Variants in DENND5A observed in about 807,000 individuals in gnomAD.
DENND5A encodes DENN domain containing 5A, also known as DENN domain-containing protein 5A.
Under a neutral mutation model 140.3 loss-of-function variants are expected in DENND5A, and 64 were observed. The ratio of observed to expected loss-of-function variants is 0.46; its 90% CI spans 0.37 to 0.56. The LOEUF (loss-of-function observed/expected upper bound fraction) is 0.56, where lower values mean the gene tolerates loss of function less well. Among genes scored for constraint, DENND5A ranks in the 20% least tolerant of loss-of-function variants. The pLI, the probability that DENND5A is intolerant of heterozygous loss-of-function variation, is 0.00. For missense variants in DENND5A, 1,292 were observed against 1,593.8 expected, an observed-to-expected ratio of 0.81 and a Z score of 3.22; for synonymous variants, 605 against 607.7, an observed-to-expected ratio of 1.00 and a Z score of 0.07.
chr11:9,228,936 T>C (rs1850647251), intron 1 of DENND5A, among the ~76,000 whole-genome samples: 1 of 152,200 alleles, frequency 6.6e-6, no homozygotes, highest in Admixed American at 6.5e-5. Context: ...CAGAGTTCTA[T>C]GAGCCATTCT....
chr11:9,146,877 G>A (rs771857755), intron 16 of DENND5A, 153 bp downstream of exon 16: 10 of 792,904 alleles, frequency 1.3e-5, no homozygotes, highest in Middle Eastern at 3.9e-4. Context: ...CCTCCAAGGA[G>A]GGCAAGTGCA....
intron 3 of DENND5A, 49 bp from the exon 4 acceptor site, chr11:9,204,366 C>T: frequency 1.3e-6 from 2 of 1,545,918 alleles, no homozygotes; most frequent in Non-Finnish European, 1.8e-6. Context: ...CACTGGCGAT[C>T]CTCTTTCAGA....
At chr11:9,218,601 G>T (rs958264137) in intron 1 of DENND5A, among the ~76,000 whole-genome samples, 1 of 152,118 alleles carries the variant, frequency 6.6e-6, no homozygotes, top group Non-Finnish European at 1.5e-5. Flanking sequence ...GAGTGTGCCT[G>T]TAGTAGGCTG....
intron 17 of DENND5A, 85 bp from the exon 18 acceptor site, chr11:9,145,198 G>A (rs541920458): frequency 1.0e-6 from 1 of 973,732 alleles, no homozygotes; most frequent in Non-Finnish European, 1.7e-6. Context: ...CTGACTGGCT[G>A]CCTGCAACCT....
At chr11:9,167,091 G>T (rs1397041620) in intron 10 of DENND5A, among the ~76,000 whole-genome samples, 6 of 152,036 alleles carry the variant, frequency 3.9e-5, no homozygotes, top group Non-Finnish European at 7.4e-5. Context: ...ATAATGTGCT[G>T]GTGATTCTTC....
chr11:9,196,563 C>T (rs1849336067), intron 4 of DENND5A, among the ~76,000 whole-genome samples: 1 of 152,074 alleles, frequency 6.6e-6, no homozygotes, highest in East Asian at 1.9e-4. Flanking sequence ...TGAATTTCTA[C>T]CCTTCATTTT....
chr11:9,221,570 T>A (rs1850312985), intron 1 of DENND5A, among the ~76,000 whole-genome samples: 1 of 152,080 alleles, frequency 6.6e-6, no homozygotes, highest in Non-Finnish European at 1.5e-5. Context: ...TTCACCATGT[T>A]AGCCAGGCTG....
At position 9,150,128 on chromosome 11, in the gene DENND5A, T is replaced by C; in HGVS notation, c.2688A>G (p.Leu896=). Residue 896 remains leucine (L), a synonymous_variant, in exon 15 of 23, where the codon TTA becomes TTG. Coordinates refer to ENST00000328194, the MANE Select transcript of DENND5A (RefSeq NM_015213.4). The stretch of plus-strand genomic sequence containing the variant: ...GGAGCTGCTTCAGGTGTCTGGAAAG[T>C]AACTTTTTTTCCATGGACAGTCGCA... The part of the protein sequence containing the change: ...AWVRLSMEKK[L]LSRHLKQLLS... 1.2e-6 allele frequency: 2 copies of C among 1,613,966 alleles called. No individual in the cohort carries two copies. Among genetic ancestry groups the C allele is most frequent in the South Asian group, 1.1e-5 (1 of 91,070 alleles).
intron 1 of DENND5A, among the ~76,000 whole-genome samples, chr11:9,247,634 G>T (rs1160705792): frequency 6.6e-6 from 1 of 152,044 alleles, no homozygotes; most frequent in African/African-American, 2.4e-5. Flanking sequence ...ATGGCCCAGG[G>T]AACAGTCTCA....
At chr11:9,259,087 C>T (rs1345765869) in intron 1 of DENND5A, among the ~76,000 whole-genome samples, 4 of 152,064 alleles carry the variant, frequency 2.6e-5, no homozygotes, top group African/African-American at 9.7e-5. Flanking sequence ...ATGGTGAAAC[C>T]CCATCTCTAC....
At chr11:9,235,515 G>A (rs1464645704) in intron 1 of DENND5A, among the ~76,000 whole-genome samples, 1 of 151,644 alleles carries the variant, frequency 6.6e-6, no homozygotes, top group Non-Finnish European at 1.5e-5. Flanking sequence ...AAAATTAGCT[G>A]GGCACGATGG....
intron 1 of DENND5A, among the ~76,000 whole-genome samples, chr11:9,261,880 T>C (rs972253673): frequency 1.2e-4 from 18 of 150,558 alleles, no homozygotes; most frequent in African/African-American, 3.9e-4. Flanking sequence ...CAACACTGCA[T>C]ACTCTAACAA....
intron 1 of DENND5A, among the ~76,000 whole-genome samples, chr11:9,223,731 A>G (rs1850415711): frequency 6.6e-6 from 1 of 152,144 alleles, no homozygotes; most frequent in South Asian, 2.1e-4. Flanking sequence ...AAAGCGTAAC[A>G]TCTGACAGTG....
intron 8 of DENND5A, among the ~76,000 whole-genome samples, chr11:9,177,263 A>T (rs1848574706): frequency 6.6e-6 from 1 of 151,352 alleles, no homozygotes; most frequent in Non-Finnish European, 1.5e-5. Flanking sequence ...CGAAAAAAAA[A>T]AAAAAGAAAG....
intron 12 of DENND5A, among the ~76,000 whole-genome samples, chr11:9,160,435 A>C (rs568039600): frequency 1.3e-5 from 2 of 152,368 alleles, no homozygotes; most frequent in East Asian, 3.9e-4. Context: ...GACTAGGGCC[A>C]GCTGCCAAAC....
chr11:9,150,235 T>A lies in DENND5A; in HGVS notation c.2607-26A>T, dbSNP rs766357051. The A allele has an allele frequency of 1.9e-6, 3 of 1,611,004 alleles. No homozygotes were observed. In the South Asian group the frequency reaches 3.3e-5, roughly 18 times the overall value. On this transcript the variant is annotated intron_variant, in intron 14 of 22. Coordinates refer to ENST00000328194, the MANE Select transcript of DENND5A (RefSeq NM_015213.4). ...CTGGAGGAAGAATGTAAAAAGGAAG[T>A]GGAGGGTGGGATGGGAGATGAACTC...
At chr11:9,169,207 G>A (rs1193674020) in intron 10 of DENND5A, among the ~76,000 whole-genome samples, 4 of 152,170 alleles carry the variant, frequency 2.6e-5, no homozygotes, top group South Asian at 2.1e-4. Context: ...AGCACTTTGC[G>A]GGGATGAGGC....
At chr11:9,143,582 G>GTCC in intron 19 of DENND5A, 97 bp from the exon 20 acceptor site, 1 of 999,208 alleles carries the variant, frequency 1.0e-6, no homozygotes, top group Non-Finnish European at 1.6e-6. Flanking sequence ...GGGCCCATAG[G>GTCC]AGAGGCAGGG....
At chr11:9,163,570 G>C (rs1037913973) in intron 11 of DENND5A, among the ~76,000 whole-genome samples, 1 of 152,002 alleles carries the variant, frequency 6.6e-6, no homozygotes, top group Non-Finnish European at 1.5e-5. Flanking sequence ...TTTGGAGGCC[G>C]AGGCAGACAG....
Sources: gnomAD v4.1 joint callset for allele counts (sites outside exome capture counted in the v4.1 genomes callset) on GRCh38, gnomAD v4.1.1 for gene constraint, MANE v1.5 for transcripts, NCBI Gene and HGNC (gene_info 2026-07-23, HGNC 2026-07-21) for gene names.